Variants in C9orf85 observed in about 807,000 individuals in gnomAD.
The protein encoded by C9orf85 is uncharacterized protein C9orf85.
C9orf85 carries 16 observed loss-of-function variants against 14.9 expected under a neutral mutation model. The observed-to-expected ratio is 1.08, with a 90% CI of 0.73 to 1.63. The LOEUF is 1.63. Among genes scored for constraint, C9orf85 ranks in the 40% most tolerant of loss-of-function variants. The probability of loss-of-function intolerance (pLI) is 0.00; values close to 1 mark genes in which losing one functional copy is unlikely to be tolerated. For missense variants in C9orf85, 172 were observed against 186.1 expected, an observed-to-expected ratio of 0.92 and a Z score of 0.44; for synonymous variants, 45 against 56.8, an observed-to-expected ratio of 0.79 and a Z score of 0.93.
intron 1 of C9orf85, among the ~76,000 whole-genome samples, chr9:71,940,184 A>G (rs1243323284): frequency 1.3e-5 from 2 of 152,132 alleles, no homozygotes; most frequent in South Asian, 4.1e-4. Flanking sequence ...GAATATATTA[A>G]TATGTAGAAC....
intron 1 of C9orf85, among the ~76,000 whole-genome samples, chr9:71,921,280 A>G (rs553930000): frequency 6.6e-6 from 1 of 152,280 alleles, no homozygotes; most frequent in East Asian, 1.9e-4. Flanking sequence ...AAGGTCTTTT[A>G]AGAGACATTC....
chr9:71,911,940 C>A, intron 1 of C9orf85, 104 bp downstream of exon 1: 2 of 992,680 alleles, frequency 2.0e-6, no homozygotes, highest in Non-Finnish European at 1.6e-6. Context: ...GTGTGGACCG[C>A]AGCCCAGAGT....
intron 1 of C9orf85, among the ~76,000 whole-genome samples, chr9:71,927,055 G>T (rs1827947044): frequency 1.3e-5 from 2 of 152,050 alleles, no homozygotes; most frequent in African/African-American, 4.8e-5. Context: ...CAGTGGTAAA[G>T]AGAAATTGCT....
intron 1 of C9orf85, among the ~76,000 whole-genome samples, chr9:71,918,186 A>G (rs1042188724): frequency 1.3e-5 from 2 of 152,116 alleles, no homozygotes; most frequent in Non-Finnish European, 2.9e-5. Flanking sequence ...AAAAATAGGT[A>G]TTACAGGCAA....
intron 1 of C9orf85, among the ~76,000 whole-genome samples, chr9:71,921,478 C>T (rs1332662669): frequency 6.6e-6 from 1 of 152,216 alleles, no homozygotes; most frequent in Non-Finnish European, 1.5e-5. Context: ...ATCTGGAAGG[C>T]TCCCCCACCT....
intron 2 of C9orf85, among the ~76,000 whole-genome samples, chr9:71,959,515 G>A (rs1822461757): frequency 6.6e-6 from 1 of 152,170 alleles, no homozygotes; most frequent in Admixed American, 6.6e-5. Flanking sequence ...AACAGATAAG[G>A]AGGTAGCCTT....
intron 3 of C9orf85, 77 bp from the exon 4 acceptor site, chr9:71,972,615 G>GTAAAAGTC: frequency 9.0e-7 from 1 of 1,112,470 alleles, no homozygotes; most frequent in African/African-American, 1.6e-5. Context: ...AAGTGTAGTG[G>GTAAAAGTC]TAAAAGTCTT....
downstream of C9orf85, chr9:71,985,860 T>TG (rs1221351526): frequency 6.6e-6 from 1 of 152,212 alleles, no homozygotes; most frequent in African/African-American, 2.4e-5. Context: ...TCTTTGGATA[T>TG]GGATGAGGAG....
At chr9:71,947,788 C>T (rs139687242) in intron 2 of C9orf85, among the ~76,000 whole-genome samples, 222 of 152,266 alleles carry the variant, frequency 1.5e-3, no homozygotes, top group Non-Finnish European at 2.4e-3. Flanking sequence ...GCATTACAGG[C>T]GCCCACCACC....
Position 71,958,722 on chromosome 9 carries a change from T to C in C9orf85, c.209+11610T>C, listed in dbSNP as rs529655933. On this transcript the variant is annotated intron_variant, in intron 2 of 3. Coordinates refer to ENST00000334731, the MANE Select transcript of C9orf85 (RefSeq NM_182505.5). ...ATTAATGCAGTCATACCCCCTCCCC[T>C]TTCTCTTTCTTTCCCCAGATCCAGG... is the stretch of plus-strand genomic sequence containing the variant. 4.6e-5 allele frequency among the ~76,000 whole-genome samples: 7 copies of C among 152,190 alleles called. No homozygotes were observed. The East Asian group carries it at 1.4e-3, about 29-fold the overall frequency.
chr9:71,924,672 G>T (rs559696201), intron 1 of C9orf85, among the ~76,000 whole-genome samples: 1 of 152,184 alleles, frequency 6.6e-6, no homozygotes, highest in African/African-American at 2.4e-5. Context: ...ATTTATATAG[G>T]TTGCTTACAT....
chr9:71,965,092 C>T (rs909403151), intron 2 of C9orf85, among the ~76,000 whole-genome samples: 1 of 152,156 alleles, frequency 6.6e-6, no homozygotes, highest in Non-Finnish European at 1.5e-5. Context: ...CAGTAACAAA[C>T]AGACCAGAAG....
At chr9:71,919,261 C>G (rs1189529549) in intron 1 of C9orf85, among the ~76,000 whole-genome samples, 2 of 152,064 alleles carry the variant, frequency 1.3e-5, no homozygotes, top group East Asian at 3.9e-4. Context: ...AGGAATAGAC[C>G]CAGATTGGTT....
intron 1 of C9orf85, chr9:71,942,062 A>C (rs553151867): frequency 6.6e-6 from 1 of 152,322 alleles, no homozygotes; most frequent in African/African-American, 2.4e-5. Context: ...CTAAGTTGAG[A>C]GAAATAGTGT....
At chr9:71,973,640 AT>A (rs957516696), downstream of C9orf85, among the ~76,000 whole-genome samples, 14 of 152,252 alleles carry the variant, frequency 9.2e-5, no homozygotes, top group African/African-American at 3.4e-4. Context: ...AAGTGTATGC[AT>A]TTTTTATAAT....
At chr9:71,954,689 T>C (rs1460911892) in intron 2 of C9orf85, among the ~76,000 whole-genome samples, 1 of 152,166 alleles carries the variant, frequency 6.6e-6, no homozygotes, top group Admixed American at 6.5e-5. Flanking sequence ...TTGGTTTTGG[T>C]GGGTTTTAGC....
chr9:71,931,385 A>G (rs1476965607), intron 1 of C9orf85, among the ~76,000 whole-genome samples: 3 of 151,522 alleles, frequency 2.0e-5, no homozygotes, highest in Non-Finnish European at 4.4e-5. Context: ...TCTGTAACTA[A>G]ACAGTGTTTA....
At chr9:71,911,880 T>C (rs1451230068) in intron 1 of C9orf85, 44 bp downstream of exon 1, 1 of 1,548,846 alleles carries the variant, frequency 6.5e-7, no homozygotes, top group Non-Finnish European at 8.9e-7. Flanking sequence ...CAGGAAGGAA[T>C]GGCTCACTGG....
intron 1 of C9orf85, among the ~76,000 whole-genome samples, chr9:71,917,467 A>G (rs1330108772): frequency 6.6e-6 from 1 of 152,234 alleles, no homozygotes; most frequent in Non-Finnish European, 1.5e-5. Context: ...AAGATTAGTT[A>G]TGATTGCATT....
Sources: allele counts gnomAD v4.1 joint callset (sites outside exome capture counted in the v4.1 genomes callset), GRCh38; gene constraint gnomAD v4.1.1; transcripts MANE v1.5; gene names NCBI Gene and HGNC (gene_info 2026-07-23, HGNC 2026-07-21).